The following AMER2 variants were observed in gnomAD, a reference collection of about 807,000 sequenced individuals.
AMER2 encodes the protein APC membrane recruitment protein 2.
Under a neutral mutation model 4.7 loss-of-function variants are expected in AMER2, and 1 was observed. The ratio of observed to expected loss-of-function variants is 0.21; its 90% CI spans 0.07 to 1.00. AMER2 has a LOEUF of 1.00. AMER2 is among the 50% of genes least tolerant of loss of function. AMER2 has a pLI of 0.60. For missense variants in AMER2, 988 were observed against 966.9 expected (o/e 1.02, Z -0.29); for synonymous variants, 485 against 433.3 (o/e 1.12, Z -1.48).
Position 25,170,144 on chromosome 13 carries a change from C to T in AMER2, c.1476G>A (p.Arg492=), listed in dbSNP as rs745917318. The change falls in exon 1 of 1, where the codon AGG becomes AGA. Residue 492 remains arginine (R), a synonymous_variant. Coordinates refer to ENST00000515384, the MANE Select transcript of AMER2 (RefSeq NM_152704.4). This position sits in a 1 kb window ranked among gnomAD's most constrained non-coding sequence, Gnocchi z 7.3. ...GGGGCTCGATGGGAATCCGGTTGAG[C>T]CTCCTGCGCTTGACCGAGGACGCGT... ...AKDASSVKRR[R]LNRIPIEPHP... The T allele has an allele frequency of 3.7e-6, 6 of 1,613,900 alleles. No homozygotes were observed. Among genetic ancestry groups the T allele is most frequent in the Admixed American group, 1.7e-5 (1 of 60,006 alleles).
rs1344946441 is a variant in AMER2 at position 25,169,264 on chromosome 13, T to C, written c.*340A>G. The C allele has an allele frequency of 5.3e-6, 1 of 187,852 alleles. No individual in the cohort carries two copies. Among genetic ancestry groups the C allele is most frequent in the African/African-American group, 2.4e-5 (1 of 42,496 alleles). 11.6% of individuals were successfully genotyped at this position (187,852 alleles called of 1,614,324 possible). On this transcript the variant is annotated 3_prime_UTR_variant, in exon 1 of 1. Coordinates refer to ENST00000515384, the MANE Select transcript of AMER2 (RefSeq NM_152704.4). This position sits in a 1 kb window ranked among gnomAD's most constrained non-coding sequence, Gnocchi z 4.2. ...TGACTCTTACTTAGGTTTGGCTAAG[T>C]TCTGTTTTCTGCAAAGGCAAGTAAA...
Position 25,170,412 on chromosome 13 carries a change from G to A in AMER2, c.1208C>T (p.Pro403Leu). 1.2e-6 allele frequency: 2 copies of A among 1,614,114 alleles called. No homozygotes were observed. Among genetic ancestry groups the A allele is most frequent in the Non-Finnish European group, 1.7e-6 (2 of 1,180,002 alleles). The change falls in exon 1 of 1, where the codon CCA (proline) becomes CTA (leucine). Residue 403 changes from proline to leucine, a missense_variant. Coordinates refer to ENST00000515384, the MANE Select transcript of AMER2 (RefSeq NM_152704.4). This position sits in a 1 kb window ranked among gnomAD's most constrained non-coding sequence, Gnocchi z 7.3. Reference sequence around the variant, plus strand: ...CTTTTTAGACAGAGCCGGCTTGCCTGGCCCGGGGACATGCTTGTCACAGCT... The same window carrying A: ...CTTTTTAGACAGAGCCGGCTTGCCTAGCCCGGGGACATGCTTGTCACAGCT... ...GPSCDKHVPGPGKPALSKKNP... is the reference protein window; with the variant it reads ...GPSCDKHVPGLGKPALSKKNP...
At position 25,167,291 on chromosome 13, in the gene AMER2, C is replaced by A. The variant is rs988088988; in HGVS notation, c.*2313G>T. The A allele has an allele frequency of 3.3e-5, 5 of 152,252 alleles. No individual in the cohort carries two copies. In the South Asian group the frequency reaches 1.0e-3, roughly 32 times the overall value. 9.4% of individuals were successfully genotyped at this position (152,252 alleles called of 1,614,324 possible). A position where few individuals can be genotyped will look rare whatever the true frequency, so the allele number is the denominator to read the frequency against. On this transcript the variant is annotated 3_prime_UTR_variant, in exon 1 of 1. Transcript: ENST00000515384. ...TGGATTCATGCAAAGGAGAATATAA[C>A]CCTTGCAGGAAAATGTACAACAAGG...
rs1477814083 is a variant in AMER2 at position 25,161,683 on chromosome 13, C to T, written c.*7921G>A. The T allele has an allele frequency of 1.3e-5, 2 of 152,168 alleles. No homozygotes were observed. The highest frequency in any genetic ancestry group is 4.8e-5 in the African/African-American group (2 of 41,434). 9.4% of individuals were successfully genotyped at this position (152,168 alleles called of 1,614,324 possible). ...GAGAAATAACAACCAACAGAATTCA[C>T]TTTAAATGCAAAGGAGCAACAAAAT... On this transcript the variant is annotated 3_prime_UTR_variant, in exon 1 of 1. Coordinates refer to ENST00000515384, the MANE Select transcript of AMER2 (RefSeq NM_152704.4).
rs1377565135 is a variant in AMER2 at position 25,163,371 on chromosome 13, A to C, written c.*6233T>G. 6.6e-6 allele frequency: 1 copy of C among 152,220 alleles called. No individual in the cohort carries two copies. The highest frequency in any genetic ancestry group is 2.4e-5 in the African/African-American group (1 of 41,448). The allele number at this position is 152,220 out of a possible 1,614,324, so 9.4% of individuals were successfully genotyped here. A position where few individuals can be genotyped will look rare whatever the true frequency, so the allele number is the denominator to read the frequency against. Reference sequence around the variant, plus strand: ...AAAAACTGAAATCAGGATCTTAAAGAGATATTTTCACTCCCTCGTTCGTTG... The same window carrying C: ...AAAAACTGAAATCAGGATCTTAAAGCGATATTTTCACTCCCTCGTTCGTTG... On this transcript the variant is annotated 3_prime_UTR_variant, in exon 1 of 1. Transcript: ENST00000515384.
At position 25,164,701 on chromosome 13, in the gene AMER2, T is replaced by G. The variant is rs1956456792; in HGVS notation, c.*4903A>C. The G allele has an allele frequency of 6.8e-6, 1 of 147,622 alleles. No individual in the cohort carries two copies. Among genetic ancestry groups the G allele is most frequent in the African/African-American group, 2.5e-5 (1 of 40,306 alleles). The allele number at this position is 147,622 out of a possible 1,614,324, so 9.1% of individuals were successfully genotyped here. A position where few individuals can be genotyped will look rare whatever the true frequency, so the allele number is the denominator to read the frequency against. ...ATGGCTGTTAAGAGGACTAAGTAAT[T>G]ATTTCTAAATCTCCTAGCAGTGCCT... On this transcript the variant is annotated 3_prime_UTR_variant, in exon 1 of 1. Transcript: ENST00000515384.
At position 25,168,362 on chromosome 13, in the gene AMER2, T is replaced by C. The variant is rs533822795; in HGVS notation, c.*1242A>G. The C allele has an allele frequency of 6.6e-6, 1 of 152,320 alleles. No individual in the cohort carries two copies. Among genetic ancestry groups the C allele is most frequent in the South Asian group, 2.1e-4 (1 of 4,830 alleles). The allele number at this position is 152,320 out of a possible 1,614,324, so 9.4% of individuals were successfully genotyped here. A position where few individuals can be genotyped will look rare whatever the true frequency, so the allele number is the denominator to read the frequency against. ...AACTGTATCTTTCTATTGTTTTTCT[T>C]TATGTGTTCCTCATTTTGCACTCAT... On this transcript the variant is annotated 3_prime_UTR_variant, in exon 1 of 1. Coordinates refer to ENST00000515384, the MANE Select transcript of AMER2 (RefSeq NM_152704.4).
rs1412516780 is a variant in AMER2 at position 25,167,820 on chromosome 13, T to C, written c.*1784A>G. 6.6e-6 allele frequency: 1 copy of C among 152,200 alleles called. No homozygotes were observed. The highest frequency in any genetic ancestry group is 2.4e-5 in the African/African-American group (1 of 41,456). The allele number at this position is 152,200 out of a possible 1,614,324, so 9.4% of individuals were successfully genotyped here. ...TTGATGTCCATTTATTTTGTTACTT[T>C]CTTCATATTATTAAAATAGGTTTTC... is the stretch of plus-strand genomic sequence containing the variant. On this transcript the variant is annotated 3_prime_UTR_variant, in exon 1 of 1. Coordinates refer to ENST00000515384, the MANE Select transcript of AMER2 (RefSeq NM_152704.4).
chr13:25,170,074 C>T lies in AMER2; in HGVS notation c.1546G>A (p.Gly516Ser), dbSNP rs553194528. Reference protein sequence around the residue: ...PKHPEKEQQEGVPNSDEGYWD... With the variant: ...PKHPEKEQQESVPNSDEGYWD... ...TAGCCCTCGTCGCTGTTGGGGACGC[C>T]TTCCTGCTGCTCCTTCTCCGGGTGC... Residue 516 changes from glycine (G) to serine (S), a missense_variant, in exon 1 of 1, where the codon GGC becomes AGC. Gly to Ser is a moderately conservative substitution (Grantham distance 56). Transcript: ENST00000515384. The surrounding 1 kb of genome is among the most constrained non-coding windows in gnomAD (Gnocchi z 7.3). 1.8e-4 allele frequency: 293 copies of T among 1,614,066 alleles called. No individual in the cohort carries two copies. The highest frequency in any genetic ancestry group is 1.6e-3 in the South Asian group (144 of 91,064).
rs1956447808 is a variant in AMER2 at position 25,164,121 on chromosome 13, A to G, written c.*5483T>C. On this transcript the variant is annotated 3_prime_UTR_variant, in exon 1 of 1. Transcript: ENST00000515384. The stretch of plus-strand genomic sequence containing the variant: ...CTCCATCTCAAAAAAAAAAAAAAAA[A>G]AAATTAAAGAGGGTAGATCTCATAT... The G allele has an allele frequency of 6.6e-6, 1 of 152,252 alleles. No homozygotes were observed. The highest frequency in any genetic ancestry group is 1.9e-4 in the East Asian group (1 of 5,202). The allele number at this position is 152,252 out of a possible 1,614,324, so 9.4% of individuals were successfully genotyped here.
rs1956418403 is a variant in AMER2, at chr13:25,162,358, G to A, written c.*7246C>T. ...GTGTCAAGTACAAATGATAGGAATT[G>A]ACTTTGCCAACAACATCAAAAGCAT... On this transcript the variant is annotated 3_prime_UTR_variant, in exon 1 of 1. Transcript: ENST00000515384. 6.6e-6 allele frequency: 1 copy of A among 152,150 alleles called. No individual in the cohort carries two copies. The highest frequency in any genetic ancestry group is 1.5e-5 in the Non-Finnish European group (1 of 68,026). The allele number at this position is 152,150 out of a possible 1,614,324, so 9.4% of individuals were successfully genotyped here.
Position 25,164,139 on chromosome 13 carries a change from T to A in AMER2, c.*5465A>T, listed in dbSNP as rs1248113293. The A allele has an allele frequency of 1.4e-5, 2 of 147,318 alleles. No homozygotes were observed. The highest frequency in any genetic ancestry group is 5.0e-5 in the African/African-American group (2 of 39,768). 9.1% of individuals were successfully genotyped at this position (147,318 alleles called of 1,614,324 possible). The stretch of plus-strand genomic sequence containing the variant: ...AAAAAAAAAAATTAAAGAGGGTAGA[T>A]CTCATATTCAATATTCTTACTGCAA... On this transcript the variant is annotated 3_prime_UTR_variant, in exon 1 of 1. Transcript: ENST00000515384.
Position 25,170,323 on chromosome 13 carries a change from C to G in AMER2, c.1297G>C (p.Asp433His), listed in dbSNP as rs1244369239. 1 of 1,613,936 alleles carries G rather than the reference C, an allele frequency of 6.2e-7. No homozygotes were observed. The highest frequency in any genetic ancestry group is 1.3e-5 in the African/African-American group (1 of 75,032). Residue 433 changes from aspartate to histidine, a missense_variant, in exon 1 of 1, where the codon GAC becomes CAC. Asp to His is a moderately conservative substitution (Grantham distance 81). Transcript: ENST00000515384. This position sits in a 1 kb window ranked among gnomAD's most constrained non-coding sequence, Gnocchi z 7.3. ...TCCCAGAACTCCTGTAGATAGGTGTCGTCCACCTCGTCCGGGCTGGCCATC... is the reference window on the plus strand; with the variant it reads ...TCCCAGAACTCCTGTAGATAGGTGTGGTCCACCTCGTCCGGGCTGGCCATC... ...EEMASPDEVD[D>H]TYLQEFWDML...
Position 25,170,873 on chromosome 13 carries a change from C to T in AMER2, c.747G>A (p.Glu249=). The change falls in exon 1 of 1, where the codon GAG becomes GAA. Residue 249 remains glutamate, a synonymous_variant. Transcript: ENST00000515384. The surrounding 1 kb of genome is among the most constrained non-coding windows in gnomAD (Gnocchi z 7.3). ...CTCGCGGGGCGTCCTGGCTGGGCTC[C>T]TCCGGCTCGCGCGCGGCTCTGGGCG... ...EETPRAAREP[E]EPSQDAPRDP... 1 of 1,458,836 alleles carries T rather than the reference C, an allele frequency of 6.9e-7. No homozygotes were observed. The highest frequency in any genetic ancestry group is 9.0e-7 in the Non-Finnish European group (1 of 1,113,846). 90.4% of individuals were successfully genotyped at this position (1,458,836 alleles called of 1,614,324 possible).
rs753637079 is a variant in AMER2, at chr13:25,170,657, C to G, written c.963G>C (p.Arg321Ser). ...GEVRTAEDAS[R>S]TGAVPVKTVP... ...CCGTCTTTACGGGAACGGCCCCCGT[C>G]CTGGAAGCGTCCTCTGCCGTGCGGA... is the stretch of plus-strand genomic sequence containing the variant. Residue 321 changes from arginine (R) to serine (S), a missense_variant, in exon 1 of 1, where the codon AGG (arginine) becomes AGC (serine). By Grantham distance (110) the Arg-to-Ser change is moderately radical. Coordinates refer to ENST00000515384, the MANE Select transcript of AMER2 (RefSeq NM_152704.4). The surrounding 1 kb of genome is among the most constrained non-coding windows in gnomAD (Gnocchi z 7.3). 6 of 1,550,834 alleles carry G rather than the reference C, an allele frequency of 3.9e-6. No homozygotes were observed. The highest frequency in any genetic ancestry group is 1.2e-5 in the South Asian group (1 of 84,172).
chr13:25,163,591 G>A lies in AMER2; in HGVS notation c.*6013C>T, dbSNP rs559926952. 1 of 151,472 alleles carries A rather than the reference G, an allele frequency of 6.6e-6. No individual in the cohort carries two copies. The highest frequency in any genetic ancestry group is 1.5e-5 in the Non-Finnish European group (1 of 67,920). 9.4% of individuals were successfully genotyped at this position (151,472 alleles called of 1,614,324 possible). On this transcript the variant is annotated 3_prime_UTR_variant, in exon 1 of 1. Coordinates refer to ENST00000515384, the MANE Select transcript of AMER2 (RefSeq NM_152704.4). ...TCAATGAAATAAGCCAGTCACAGAA[G>A]GACAAATACTGCGCGTTTCCACTTC...
chr13:25,162,779 G>A lies in AMER2; in HGVS notation c.*6825C>T, dbSNP rs1173696630. The A allele has an allele frequency of 2.6e-5, 4 of 152,152 alleles. No individual in the cohort carries two copies. The highest frequency in any genetic ancestry group is 2.1e-4 in the South Asian group (1 of 4,822). 9.4% of individuals were successfully genotyped at this position (152,152 alleles called of 1,614,324 possible). ...TTTAAAACGTATCTTCTCACATAGA[G>A]CAAAAGTTATTCTACTCGATTATTG... On this transcript the variant is annotated 3_prime_UTR_variant, in exon 1 of 1. Coordinates refer to ENST00000515384, the MANE Select transcript of AMER2 (RefSeq NM_152704.4).
rs747570250 is a variant in AMER2, at chr13:25,170,606, G to C, written c.1014C>G (p.Gly338=). Residue 338 remains glycine, a synonymous_variant, in exon 1 of 1, where the codon GGC becomes GGG. Transcript: ENST00000515384. The surrounding 1 kb of genome is among the most constrained non-coding windows in gnomAD (Gnocchi z 7.3). ...KTVPLVDSEG[G]SGRAPAAPDP... ...CTGGGGCGGCGGGCGCCCGGCCGCT[G>C]CCGCCTTCGGAGTCGACAAGGGGGA... The C allele has an allele frequency of 9.3e-5, 147 of 1,580,242 alleles. 1 individual carries two copies. Among genetic ancestry groups the C allele is most frequent in the Middle Eastern group, 1.7e-4 (1 of 5,998 alleles).
At position 25,171,859 on chromosome 13, in the gene AMER2, T is replaced by G. The variant is rs1309131080; in HGVS notation, c.-240A>C. The G allele has an allele frequency of 1.5e-6, 1 of 673,854 alleles. No individual in the cohort carries two copies. Among genetic ancestry groups the G allele is most frequent in the African/African-American group, 1.9e-5 (1 of 52,790 alleles). 41.7% of individuals were successfully genotyped at this position (673,854 alleles called of 1,614,324 possible). On this transcript the variant is annotated 5_prime_UTR_variant, in exon 1 of 1. Coordinates refer to ENST00000515384, the MANE Select transcript of AMER2 (RefSeq NM_152704.4). The surrounding 1 kb of genome is among the most constrained non-coding windows in gnomAD (Gnocchi z 5.9). ...GCAGGCAACACAGCCGCGAGCTGAT[T>G]GCAGAAATTCGAGTCGTAATTATGG... is the stretch of plus-strand genomic sequence containing the variant.
Sources: allele counts gnomAD v4.1 joint callset, GRCh38; gene constraint gnomAD v4.1.1; non-coding constraint Gnocchi (gnomAD v3.1); transcripts MANE v1.5; gene names NCBI Gene and HGNC (gene_info 2026-07-23, HGNC 2026-07-21).